Variants in NOX3 observed in about 807,000 individuals in gnomAD.
NOX3 encodes NADPH oxidase catalytic subunit-like 3.
In NOX3, 74 loss-of-function variants were observed where a neutral mutation model predicts 76.7. That is an observed-to-expected ratio of 0.96 (90% CI 0.80 to 1.17). The LOEUF (loss-of-function observed/expected upper bound fraction) is 1.17, where lower values mean the gene tolerates loss of function less well. Among genes scored for constraint, NOX3 ranks in the 50% most tolerant of loss-of-function variants. The pLI, the probability that NOX3 is intolerant of heterozygous loss-of-function variation, is 0.00. For synonymous variants in NOX3, 263 were observed against 261.1 expected, an observed-to-expected ratio of 1.01 and a Z score of -0.07; for missense variants, 695 against 703.3, an observed-to-expected ratio of 0.99 and a Z score of 0.13.
At chr6:155,433,225 A>G (rs1419595816) in intron 7 of NOX3, among the ~76,000 whole-genome samples, 1 of 152,210 alleles carries the variant, frequency 6.6e-6, no homozygotes. Flanking sequence ...CAATCTTAGT[A>G]TATCCTTTGC....
chr6:155,414,450 T>C (rs2114683366), intron 10 of NOX3, among the ~76,000 whole-genome samples: 1 of 152,272 alleles, frequency 6.6e-6, no homozygotes, highest in African/African-American at 2.4e-5. Flanking sequence ...GCATGCCTTT[T>C]CAGAATTTCA....
chr6:155,447,538 C>T (rs1157274973), intron 4 of NOX3, among the ~76,000 whole-genome samples: 2 of 152,180 alleles, frequency 1.3e-5, no homozygotes, highest in Non-Finnish European at 2.9e-5. Context: ...TGAAGGAGTA[C>T]GAGAAAGCCC....
intron 9 of NOX3, among the ~76,000 whole-genome samples, chr6:155,425,387 A>G (rs955907694): frequency 6.6e-6 from 1 of 152,170 alleles, no homozygotes; most frequent in Non-Finnish European, 1.5e-5. Context: ...AGCGTTTCTA[A>G]TAATGAGGCT....
chr6:155,418,528 T>C (rs56231279), intron 10 of NOX3, among the ~76,000 whole-genome samples: 8,196 of 152,070 alleles, frequency 0.054, 747 homozygotes, highest in African/African-American at 0.19. Flanking sequence ...ATACTTCTTG[T>C]TATTTGGCCT....
At chr6:155,410,313 G>A (rs1776524297) in intron 11 of NOX3, among the ~76,000 whole-genome samples, 1 of 152,014 alleles carries the variant, frequency 6.6e-6, no homozygotes. Flanking sequence ...GTGTGTGTGT[G>A]TGTGTGCGCA....
At chr6:155,424,783 A>G (rs1776735468) in intron 9 of NOX3, among the ~76,000 whole-genome samples, 1 of 152,240 alleles carries the variant, frequency 6.6e-6, no homozygotes, top group Non-Finnish European at 1.5e-5. Context: ...GGAAATTGAG[A>G]GAAAGAGAGA....
chr6:155,411,269 C>T lies in NOX3; in HGVS notation c.1400G>A (p.Gly467Glu), dbSNP rs1160685994. The T allele has an allele frequency of 1.2e-6, 2 of 1,613,728 alleles. No homozygotes were observed. Among genetic ancestry groups the T allele is most frequent in the Admixed American group, 3.3e-5 (2 of 59,994 alleles). ...LSLETRMSEQ[G>E]KTHFLSYHIF... ...ATGATAACTCAGAAAGTGAGTTTTC[C>T]CCTGCTCACTCATCCGTGTTTCCAG... Residue 467 changes from glycine to glutamate, a missense_variant, in exon 11 of 14, where the codon GGG (glycine) becomes GAG (glutamate). By Grantham distance (98) the Gly-to-Glu change is moderately conservative. Coordinates refer to ENST00000159060, the MANE Select transcript of NOX3 (RefSeq NM_015718.3).
At chr6:155,397,935 A>G (rs889813424) in intron 12 of NOX3, among the ~76,000 whole-genome samples, 1 of 152,186 alleles carries the variant, frequency 6.6e-6, no homozygotes, top group Non-Finnish European at 1.5e-5. Flanking sequence ...TACTTTTTGC[A>G]TATAGTGGCT....
intron 4 of NOX3, among the ~76,000 whole-genome samples, chr6:155,446,850 C>T (rs972894166): frequency 2.0e-5 from 3 of 152,066 alleles, no homozygotes; most frequent in Non-Finnish European, 4.4e-5. Context: ...CTTTAATTCT[C>T]TCTCCATAGA....
At chr6:155,430,959 G>A in intron 7 of NOX3, 24 bp from the exon 8 acceptor site, 3 of 1,371,078 alleles carry the variant, frequency 2.2e-6, no homozygotes, top group Non-Finnish European at 2.1e-6. Flanking sequence ...CAGAGAGAGA[G>A]AGAAAAAGGA....
intron 6 of NOX3, among the ~76,000 whole-genome samples, chr6:155,438,813 G>C (rs1396049575): frequency 6.6e-6 from 1 of 152,272 alleles, no homozygotes; most frequent in Non-Finnish European, 1.5e-5. Context: ...ATGCTCAGCG[G>C]TGGCAATGGT....
At position 155,439,870 on chromosome 6, in the gene NOX3, C is replaced by G. The variant is rs915970997; in HGVS notation, c.668+86G>C. 11 of 1,262,186 alleles carry G rather than the reference C, an allele frequency of 8.7e-6. No individual in the cohort carries two copies. In the East Asian group the frequency reaches 2.5e-4, roughly 29 times the overall value. 78.2% of individuals were successfully genotyped at this position (1,262,186 alleles called of 1,614,324 possible). On this transcript the variant is annotated intron_variant, in intron 6 of 13. Coordinates refer to ENST00000159060, the MANE Select transcript of NOX3 (RefSeq NM_015718.3). ...TACGAGTCCTGTAGTCACCGCACGC[C>G]GGCTCCTTCATCTAAAGGACTTTCT...
chr6:155,453,250 TA>T (rs1159108471), intron 4 of NOX3, among the ~76,000 whole-genome samples, 153 bp downstream of exon 4: 2 of 152,206 alleles, frequency 1.3e-5, no homozygotes, highest in East Asian at 3.8e-4. Flanking sequence ...ATTGAAAATG[TA>T]AAAACCCATT....
At chr6:155,397,088 G>GT in intron 12 of NOX3, 126 bp from the exon 13 acceptor site, 1 of 874,538 alleles carries the variant, frequency 1.1e-6, no homozygotes, top group Non-Finnish European at 1.6e-6. Context: ...CCTCCATGTC[G>GT]TTTTTTCTTA....
intron 10 of NOX3, among the ~76,000 whole-genome samples, chr6:155,421,879 G>A (rs566862235): frequency 5.9e-5 from 9 of 152,288 alleles, no homozygotes; most frequent in African/African-American, 1.4e-4. Flanking sequence ...CTTTGACTAC[G>A]GAATTCTCTC....
At chr6:155,418,536 C>G (rs1457666477) in intron 10 of NOX3, among the ~76,000 whole-genome samples, 1 of 152,152 alleles carries the variant, frequency 6.6e-6, no homozygotes, top group Non-Finnish European at 1.5e-5. Flanking sequence ...TGTTATTTGG[C>G]CTTCTTGGGA....
intron 10 of NOX3, among the ~76,000 whole-genome samples, chr6:155,413,290 C>A (rs899158496): frequency 6.6e-6 from 1 of 151,904 alleles, no homozygotes; most frequent in African/African-American, 2.4e-5. Context: ...CCAGGAAGAG[C>A]CTGGAGGCCT....
chr6:155,399,657 C>T (rs1225521515), intron 12 of NOX3, among the ~76,000 whole-genome samples: 1 of 152,002 alleles, frequency 6.6e-6, no homozygotes, highest in African/African-American at 2.4e-5. Context: ...AACTTCTTGT[C>T]ACAAATGCAT....
At chr6:155,420,265 G>A (rs1582934130) in intron 10 of NOX3, among the ~76,000 whole-genome samples, 1 of 152,300 alleles carries the variant, frequency 6.6e-6, no homozygotes, top group South Asian at 2.1e-4. Context: ...GGATTAGTGA[G>A]TGAATGAAAA....
Sources: allele counts gnomAD v4.1 joint callset (sites outside exome capture counted in the v4.1 genomes callset), GRCh38; gene constraint gnomAD v4.1.1; transcripts MANE v1.5; gene names NCBI Gene and HGNC (gene_info 2026-07-23, HGNC 2026-07-21).